Variants in SSBP3 observed in about 807,000 individuals in gnomAD.
SSBP3 encodes single-stranded DNA-binding protein 3.
Under a neutral mutation model 69.6 loss-of-function variants are expected in SSBP3, and 5 were observed. The ratio of observed to expected loss-of-function variants is 0.07; its 90% CI spans 0.04 to 0.15. SSBP3 has a LOEUF of 0.15. Among genes scored for constraint, SSBP3 ranks in the 10% least tolerant of loss-of-function variants. The pLI, the probability that SSBP3 is intolerant of heterozygous loss-of-function variation, is 1.00. For missense variants in SSBP3, 312 were observed against 534.0 expected, an observed-to-expected ratio of 0.58 and a Z score of 4.10; for synonymous variants, 196 against 193.4, an observed-to-expected ratio of 1.01 and a Z score of -0.11.
chr1:54,362,012 A>T (rs1376287633), intron 4 of SSBP3, among the ~76,000 whole-genome samples: 1 of 152,208 alleles, frequency 6.6e-6, no homozygotes, highest in East Asian at 1.9e-4. Context: ...GGTATTAAAG[A>T]CCTGGCAAAG....
At chr1:54,275,723 A>G (rs1453580379) in intron 5 of SSBP3, among the ~76,000 whole-genome samples, 1 of 152,226 alleles carries the variant, frequency 6.6e-6, no homozygotes, top group Non-Finnish European at 1.5e-5. Flanking sequence ...CTTCCATACA[A>G]TGATTCAAAT....
chr1:54,240,913 C>T, exon 13 of SSBP3: 1 of 1,612,852 alleles, frequency 6.2e-7, no homozygotes. Context: ...ACCTGCGGGA[C>T]TGGGCATAAT....
At chr1:54,231,285 G>A (rs1370603358) in intron 14 of SSBP3, among the ~76,000 whole-genome samples, 1 of 152,222 alleles carries the variant, frequency 6.6e-6, no homozygotes, top group Non-Finnish European at 1.5e-5. Context: ...ATTTCCTAAT[G>A]ACTAACGATG....
intron 4 of SSBP3, among the ~76,000 whole-genome samples, chr1:54,329,286 GGCT>G (rs750534316): frequency 2.0e-5 from 3 of 152,270 alleles, no homozygotes; most frequent in South Asian, 2.1e-4. Context: ...ACATTAAGAA[GGCT>G]GCACATTTAT....
intron 4 of SSBP3, among the ~76,000 whole-genome samples, chr1:54,354,963 G>A (rs1425607086): frequency 6.6e-6 from 1 of 152,208 alleles, no homozygotes; most frequent in East Asian, 1.9e-4. Flanking sequence ...AATGCCTCAT[G>A]CCTTTCCAAG....
rs1645550866 is a variant in SSBP3, at chr1:54,289,033, AAAAC to A, written c.277-7510_277-7507del. Among the ~76,000 whole-genome samples the A allele has an allele frequency of 5.6e-5, 3 of 53,354 alleles. 1 individual carries two copies. The highest frequency in any genetic ancestry group is 1.2e-4 in the African/African-American group (1 of 8,152). The allele number at this position is 53,354 out of a possible 152,430, so 35.0% of individuals were successfully genotyped here. On this transcript the variant is annotated intron_variant, in intron 4 of 17. Transcript: ENST00000610401. ...AGACTCTGTCTCCAAAAAAAAAAAA[AAAAC>A]AAAAAAACAAAAAAAAAAAACAGTA...
intron 4 of SSBP3, among the ~76,000 whole-genome samples, chr1:54,343,052 C>A (rs561976338): frequency 8.5e-5 from 13 of 152,292 alleles, no homozygotes; most frequent in Non-Finnish European, 1.8e-4. Context: ...ACACATTTCC[C>A]AGGATTGGCG....
At chr1:54,261,637 AG>A (rs1641300116) in intron 5 of SSBP3, among the ~76,000 whole-genome samples, 1 of 152,112 alleles carries the variant, frequency 6.6e-6, no homozygotes, top group African/African-American at 2.4e-5. Flanking sequence ...GAAGCTTTTG[AG>A]GAACCCAAAA....
At chr1:54,349,254 G>T (rs571933442) in intron 4 of SSBP3, among the ~76,000 whole-genome samples, 104 of 152,302 alleles carry the variant, frequency 6.8e-4, no homozygotes, top group Middle Eastern at 3.4e-3. Flanking sequence ...CCATCCACCA[G>T]CATGTCAGCT....
intron 1 of SSBP3, among the ~76,000 whole-genome samples, chr1:54,412,256 G>A (rs554572579): frequency 1.3e-5 from 2 of 152,172 alleles, no homozygotes; most frequent in East Asian, 1.9e-4. Context: ...TTGAACCCAG[G>A]AGGTGGAGAT....
chr1:54,274,190 CACAG>C (rs992679023), intron 5 of SSBP3, among the ~76,000 whole-genome samples: 4 of 152,210 alleles, frequency 2.6e-5, no homozygotes, highest in Non-Finnish European at 4.4e-5. Context: ...TTTATTTCCC[CACAG>C]ACAGGCAGTT....
At chr1:54,233,877 G>A (rs1442671716) in intron 14 of SSBP3, among the ~76,000 whole-genome samples, 3 of 151,990 alleles carry the variant, frequency 2.0e-5, no homozygotes, top group Admixed American at 6.5e-5. Flanking sequence ...GAACGGGCCA[G>A]GATGACAATG....
chr1:54,402,993 G>A (rs1247408151), intron 3 of SSBP3, among the ~76,000 whole-genome samples: 6 of 152,210 alleles, frequency 3.9e-5, no homozygotes, highest in African/African-American at 1.4e-4. Context: ...AGCTCTGCAA[G>A]TCATCAGACA....
At chr1:54,365,083 C>T (rs1415653611) in intron 4 of SSBP3, among the ~76,000 whole-genome samples, 1 of 152,164 alleles carries the variant, frequency 6.6e-6, no homozygotes, top group Non-Finnish European at 1.5e-5. Flanking sequence ...GGGTCAGCAA[C>T]AAGACAAAGG....
chr1:54,354,140 G>A (rs1324500756), intron 4 of SSBP3, among the ~76,000 whole-genome samples: 2 of 152,218 alleles, frequency 1.3e-5, no homozygotes, highest in African/African-American at 4.8e-5. Context: ...TAGAAAGCCT[G>A]GAGCCAGCGC....
At chr1:54,364,833 C>T (rs1647004365) in intron 4 of SSBP3, among the ~76,000 whole-genome samples, 1 of 152,218 alleles carries the variant, frequency 6.6e-6, no homozygotes, top group Non-Finnish European at 1.5e-5. Flanking sequence ...CAGCCTTTCT[C>T]TCCCCATTAC....
chr1:54,285,684 G>C (rs751692740), intron 4 of SSBP3, among the ~76,000 whole-genome samples: 17 of 151,624 alleles, frequency 1.1e-4, no homozygotes, highest in Non-Finnish European at 2.4e-4. Flanking sequence ...CTTTGAGCTG[G>C]AGCTCCATTA....
chr1:54,310,016 C>T (rs1645971413), intron 4 of SSBP3, among the ~76,000 whole-genome samples: 1 of 152,178 alleles, frequency 6.6e-6, no homozygotes, highest in East Asian at 1.9e-4. Context: ...GGCTCCTTCT[C>T]CCTGCACACT....
rs112173146 is a variant in SSBP3, at chr1:54,227,188, G to C, written c.1138-28C>G. 93 of 1,041,982 alleles carry C rather than the reference G, an allele frequency of 8.9e-5. 1 individual carries two copies. Among genetic ancestry groups the C allele is most frequent in the East Asian group, 1.1e-4 (4 of 36,198 alleles). 64.5% of individuals were successfully genotyped at this position (1,041,982 alleles called of 1,614,324 possible). The stretch of plus-strand genomic sequence containing the variant: ...GGAAAGGAGAAGCAGAGAAGGGGGG[G>C]GGGTGAGGATTGTGGGGAGGCCGCT... On this transcript the variant is annotated intron_variant, in intron 17 of 17. Coordinates refer to ENST00000610401, the Ensembl canonical transcript of SSBP3.
Sources: gnomAD v4.1 joint callset for allele counts (sites outside exome capture counted in the v4.1 genomes callset) on GRCh38, gnomAD v4.1.1 for gene constraint, MANE v1.5 for transcripts, NCBI Gene and HGNC (gene_info 2026-07-23, HGNC 2026-07-21) for gene names.